CPA6: variants seen among roughly 807,000 people sequenced by gnomAD.
CPA6 encodes the protein carboxypeptidase B.
A neutral mutation model predicts 63.3 loss-of-function variants in CPA6; 58 were observed. The observed-to-expected ratio is 0.92, with a 90% CI of 0.74 to 1.14. The LOEUF (loss-of-function observed/expected upper bound fraction) is 1.14. Ranked by LOEUF, CPA6 falls within the 50% of genes most tolerant of loss-of-function variation. The pLI, the probability that CPA6 is intolerant of heterozygous loss-of-function variation, is 0.00. For missense variants in CPA6, 565 were observed against 526.6 expected (o/e 1.07, Z -0.71); for synonymous variants, 185 against 179.0 (o/e 1.03, Z -0.27).
intron 2 of CPA6, among the ~76,000 whole-genome samples, chr8:67,579,488 A>T (rs900117): frequency 0.36 from 54,633 of 152,136 alleles, 10,312 homozygotes; most frequent in East Asian, 0.51. Context: ...CCATCAGATT[A>T]TCATGTCAAA....
At chr8:67,513,844 T>G (rs142263891) in intron 3 of CPA6, among the ~76,000 whole-genome samples, 413 of 152,266 alleles carry the variant, frequency 2.7e-3, no homozygotes, top group African/African-American at 9.7e-3. Flanking sequence ...CTACCCCAGT[T>G]GTGTATATTC....
intron 2 of CPA6, among the ~76,000 whole-genome samples, chr8:67,592,193 T>C (rs1441159996): frequency 1.3e-5 from 2 of 152,246 alleles, no homozygotes; most frequent in Non-Finnish European, 1.5e-5. Context: ...TTACATTTAC[T>C]GATTTGCATA....
intron 2 of CPA6, among the ~76,000 whole-genome samples, chr8:67,520,101 T>A (rs1812230056): frequency 1.3e-5 from 2 of 152,142 alleles, no homozygotes; most frequent in Admixed American, 1.3e-4. Context: ...AGAGGCAGAT[T>A]TTTTTATATT....
At chr8:67,488,254 T>G (rs1031744405) in intron 6 of CPA6, among the ~76,000 whole-genome samples, 1 of 152,224 alleles carries the variant, frequency 6.6e-6, no homozygotes, top group Non-Finnish European at 1.5e-5. Context: ...GGGATCCAGT[T>G]TCAGCTTTCT....
chr8:67,596,358 A>G (rs1160166883), intron 2 of CPA6, among the ~76,000 whole-genome samples: 1 of 152,140 alleles, frequency 6.6e-6, no homozygotes, highest in Non-Finnish European at 1.5e-5. Flanking sequence ...CTACCATTCC[A>G]CAGACTTCTG....
At chr8:67,493,255 C>T (rs963849983) in intron 6 of CPA6, among the ~76,000 whole-genome samples, 4 of 152,112 alleles carry the variant, frequency 2.6e-5, no homozygotes, top group Admixed American at 6.6e-5. Flanking sequence ...TTAACCAAGA[C>T]CTTGGTGTTT....
chr8:67,499,081 A>G (rs1338012720), intron 6 of CPA6, among the ~76,000 whole-genome samples: 1 of 152,224 alleles, frequency 6.6e-6, no homozygotes, highest in African/African-American at 2.4e-5. Context: ...CAGTCATTTA[A>G]TTCTGGTAGT....
intron 2 of CPA6, among the ~76,000 whole-genome samples, chr8:67,623,160 A>T (rs1453435691): frequency 6.6e-6 from 1 of 152,208 alleles, no homozygotes. Flanking sequence ...TTAAAGTTTT[A>T]ATTAAGAGGA....
intron 2 of CPA6, among the ~76,000 whole-genome samples, chr8:67,582,647 C>T (rs545671114): frequency 1.3e-5 from 2 of 151,980 alleles, no homozygotes; most frequent in South Asian, 2.1e-4. Context: ...GTGGGAAGAT[C>T]GATGAATGAA....
intron 1 of CPA6, among the ~76,000 whole-genome samples, chr8:67,713,796 T>C (rs895604346): frequency 6.6e-6 from 1 of 152,190 alleles, no homozygotes; most frequent in African/African-American, 2.4e-5. Flanking sequence ...GATTTTACAA[T>C]ATACTGGCCA....
chr8:67,721,577 A>G (rs2129001806), intron 1 of CPA6, among the ~76,000 whole-genome samples: 1 of 152,318 alleles, frequency 6.6e-6, no homozygotes, highest in Non-Finnish European at 1.5e-5. Flanking sequence ...AACTAGTATC[A>G]GGACACTGAC....
At chr8:67,727,874 C>T (rs189308496) in intron 1 of CPA6, among the ~76,000 whole-genome samples, 47 of 152,030 alleles carry the variant, frequency 3.1e-4, no homozygotes, top group African/African-American at 1.1e-3. Flanking sequence ...GTCAGGAGAT[C>T]GAGACCATCC....
chr8:67,534,169 A>G (rs984455085), intron 2 of CPA6, among the ~76,000 whole-genome samples: 17 of 152,254 alleles, frequency 1.1e-4, no homozygotes, highest in African/African-American at 4.1e-4. Flanking sequence ...TGCCAGGCTC[A>G]AGGACCTTGC....
At chr8:67,723,862 C>T (rs1247452673) in intron 1 of CPA6, among the ~76,000 whole-genome samples, 1 of 152,042 alleles carries the variant, frequency 6.6e-6, no homozygotes, top group Admixed American at 6.5e-5. Context: ...CATTTTTAAA[C>T]AAGCTAAAAC....
chr8:67,453,206 A>T (rs188583997), intron 8 of CPA6, among the ~76,000 whole-genome samples: 22 of 152,122 alleles, frequency 1.4e-4, no homozygotes, highest in African/African-American at 5.3e-4. Flanking sequence ...GGTAACTTAG[A>T]CTGGGATGGT....
At chr8:67,633,885 T>TC (rs1815402470) in intron 1 of CPA6, among the ~76,000 whole-genome samples, 1 of 122,350 alleles carries the variant, frequency 8.2e-6, no homozygotes, top group East Asian at 2.2e-4. Context: ...TCTATCCTTC[T>TC]CCCCCCAAAT....
At chr8:67,597,713 T>C (rs1019072405) in intron 2 of CPA6, among the ~76,000 whole-genome samples, 3 of 152,192 alleles carry the variant, frequency 2.0e-5, no homozygotes, top group Non-Finnish European at 4.4e-5. Context: ...CTTTGTATAG[T>C]TTTTGGTTAT....
intron 8 of CPA6, among the ~76,000 whole-genome samples, chr8:67,475,767 CT>C (rs1340522512): frequency 1.4e-5 from 1 of 71,604 alleles, no homozygotes; most frequent in African/African-American, 5.3e-5. Context: ...TTCTTTCTTT[CT>C]CTTTCTTTCT....
At chr8:67,504,854 T>C (rs554649415) in intron 6 of CPA6, among the ~76,000 whole-genome samples, 9 of 152,064 alleles carry the variant, frequency 5.9e-5, no homozygotes, top group South Asian at 4.2e-4. Flanking sequence ...GGCACAGGAA[T>C]GGCCTCACTC....
Sources: gnomAD v4.1 joint callset for allele counts (sites outside exome capture counted in the v4.1 genomes callset) on GRCh38, gnomAD v4.1.1 for gene constraint, MANE v1.5 for transcripts, NCBI Gene and HGNC (gene_info 2026-07-23, HGNC 2026-07-21) for gene names.